The following CMTM1 variants were observed in gnomAD, a reference collection of about 807,000 sequenced individuals.
CMTM1 encodes the protein CKLF-like MARVEL transmembrane domain-containing protein 1.
Under a neutral mutation model 17.8 loss-of-function variants are expected in CMTM1, and 16 were observed. That is an observed-to-expected ratio of 0.90 (90% CI 0.61 to 1.37). The LOEUF (loss-of-function observed/expected upper bound fraction) is 1.37, where lower values mean the gene tolerates loss of function less well. CMTM1 is among the 40% of genes most tolerant of loss of function. The pLI is 0.00. For missense variants in CMTM1, 354 were observed against 375.6 expected (o/e 0.94, Z 0.47); for synonymous variants, 169 against 154.6 (o/e 1.09, Z -0.69).
chr16:66,573,572 AAATGAAACC>A (rs1437427590), intron 2 of CMTM1, among the ~76,000 whole-genome samples: 1 of 152,246 alleles, frequency 6.6e-6, no homozygotes, highest in Non-Finnish European at 1.5e-5. Flanking sequence ...CTAAAACAAA[AAATGAAACC>A]AATGAAAGTT....
In CMTM1 at chr16:66,570,026, GT is replaced by G. The variant is rs773521289; in HGVS notation, c.531del (p.Phe177LeufsTer3). The G allele has an allele frequency of 9.9e-6, 16 of 1,610,788 alleles. No individual in the cohort carries two copies. The East Asian group carries it at 1.6e-4, about 16-fold the overall frequency. On this transcript the variant is annotated frameshift_variant, in exon 2 of 4. Coordinates refer to ENST00000379500, the MANE Select transcript of CMTM1 (RefSeq NM_052999.4). LOFTEE classifies it high-confidence loss of function. ...TITSLEICIV[V>X]FFILIYVLTL... The stretch of plus-strand genomic sequence containing the variant: ...CACAAGTCTGGAAATCTGCATTGTC[GT>G]TTTTTTTATTCTAATATATGTGCTA...
chr16:66,573,681 TTC>T (rs1486370927), intron 2 of CMTM1, among the ~76,000 whole-genome samples: 7 of 150,320 alleles, frequency 4.7e-5, no homozygotes, highest in Non-Finnish European at 7.4e-5. Context: ...TTTAACGTTT[TTC>T]TTTTTTTTTT....
At chr16:66,577,080 A>G (rs752068852) in intron 2 of CMTM1, 24 bp from the exon 3 acceptor site, 2 of 1,593,884 alleles carry the variant, frequency 1.3e-6, no homozygotes, top group South Asian at 2.2e-5. Flanking sequence ...TGTAAACTTG[A>G]TAATTTTCAA....
chr16:66,573,683 C>CTTTTTTTT (rs954623005), intron 2 of CMTM1, among the ~76,000 whole-genome samples: 42 of 117,632 alleles, frequency 3.6e-4, no homozygotes, highest in Non-Finnish European at 4.5e-4. Flanking sequence ...TAACGTTTTT[C>CTTTTTTTT]TTTTTTTTTT....
intron 1 of CMTM1, 178 bp downstream of exon 1, chr16:66,567,123 C>T: frequency 3.0e-6 from 2 of 673,236 alleles, no homozygotes; most frequent in African/African-American, 1.8e-5. Context: ...ACCTTTCCTA[C>T]TAAACTTGCC....
At chr16:66,571,854 T>C (rs1462206718) in intron 2 of CMTM1, among the ~76,000 whole-genome samples, 1 of 152,188 alleles carries the variant, frequency 6.6e-6, no homozygotes, top group Non-Finnish European at 1.5e-5. Flanking sequence ...TCAGTGGTAA[T>C]GCCCAAGAAG....
At chr16:66,572,960 C>G (rs1483831037) in intron 2 of CMTM1, among the ~76,000 whole-genome samples, 1 of 152,194 alleles carries the variant, frequency 6.6e-6, no homozygotes, top group Non-Finnish European at 1.5e-5. Flanking sequence ...GTGACCTGCT[C>G]AGATCTGTGG....
chr16:66,579,008 C>G lies in CMTM1; in HGVS notation c.*7C>G, dbSNP rs778519016. 3.1e-6 allele frequency: 5 copies of G among 1,611,698 alleles called. No individual in the cohort carries two copies. The highest frequency in any genetic ancestry group is 1.7e-4 in the Middle Eastern group (1 of 5,726). On this transcript the variant is annotated 3_prime_UTR_variant, in exon 4 of 4. Coordinates refer to ENST00000379500, the MANE Select transcript of CMTM1 (RefSeq NM_052999.4). This position sits in a 1 kb window ranked among gnomAD's most constrained non-coding sequence, Gnocchi z 6.5. Reference sequence around the variant, plus strand: ...CCCGCAGAGGCCCGCCTGAAGCCAGCCCGGCGCCCTAGCAGATGCACGTGT... The same window carrying G: ...CCCGCAGAGGCCCGCCTGAAGCCAGGCCGGCGCCCTAGCAGATGCACGTGT...
intron 2 of CMTM1, among the ~76,000 whole-genome samples, chr16:66,574,611 G>A (rs1474993944): frequency 1.3e-5 from 2 of 152,222 alleles, no homozygotes; most frequent in East Asian, 1.9e-4. Context: ...TCAGGAGAGC[G>A]CTTCTTTGTA....
At chr16:66,570,546 G>C (rs1034088703) in intron 2 of CMTM1, among the ~76,000 whole-genome samples, 2 of 152,176 alleles carry the variant, frequency 1.3e-5, no homozygotes, top group Non-Finnish European at 2.9e-5. Context: ...ACCTGTGTGT[G>C]TGTGTTAGGG....
intron 2 of CMTM1, among the ~76,000 whole-genome samples, chr16:66,576,047 C>T (rs1567378011): frequency 6.6e-6 from 1 of 152,382 alleles, no homozygotes; most frequent in South Asian, 2.1e-4. Flanking sequence ...CTGCCACGCA[C>T]TCATCCTCAC....
intron 2 of CMTM1, among the ~76,000 whole-genome samples, chr16:66,575,649 A>C (rs1266499927): frequency 6.6e-6 from 1 of 152,200 alleles, no homozygotes; most frequent in Admixed American, 6.5e-5. Flanking sequence ...CCAAGCCTCC[A>C]CCATGTCCTC....
chr16:66,572,682 G>A (rs1252697799), intron 2 of CMTM1, among the ~76,000 whole-genome samples: 2 of 152,154 alleles, frequency 1.3e-5, no homozygotes, highest in Non-Finnish European at 2.9e-5. Context: ...AGAGTGCCCA[G>A]CATGCAGCTA....
intron 2 of CMTM1, chr16:66,575,167 G>A (rs545464459): frequency 1.2e-4 from 114 of 985,200 alleles, no homozygotes; most frequent in Middle Eastern, 1.0e-3. Flanking sequence ...CTCCTCGGTC[G>A]CCAGCCCCAA....
chr16:66,579,030 G>T lies in CMTM1; in HGVS notation c.*29G>T. Reference sequence around the variant, plus strand: ...CAGCCCGGCGCCCTAGCAGATGCACGTGTCTGTCGAATCGCTGCCTCCGAG... The same window carrying T: ...CAGCCCGGCGCCCTAGCAGATGCACTTGTCTGTCGAATCGCTGCCTCCGAG... On this transcript the variant is annotated 3_prime_UTR_variant, in exon 4 of 4. Coordinates refer to ENST00000379500, the MANE Select transcript of CMTM1 (RefSeq NM_052999.4). This position sits in a 1 kb window ranked among gnomAD's most constrained non-coding sequence, Gnocchi z 6.5. 1.2e-6 allele frequency: 2 copies of T among 1,606,758 alleles called. No individual in the cohort carries two copies. Among genetic ancestry groups the T allele is most frequent in the Non-Finnish European group, 1.7e-6 (2 of 1,177,356 alleles).
Position 66,566,733 on chromosome 16 carries a change from G to A in CMTM1, c.220G>A (p.Gly74Ser), listed in dbSNP as rs780028729. ...AAAARPQGSE[G>S]TAPSRKATTR... ...CGCCGCACGTCCCCAAGGCAGTGAG[G>A]GCACCGCACCCTCAAGGAAAGCCAC... The change falls in exon 1 of 4, where the codon GGC becomes AGC. Residue 74 changes from glycine to serine, a missense_variant. Transcript: ENST00000379500. The surrounding 1 kb of genome is among the most constrained non-coding windows in gnomAD (Gnocchi z 4.9). 2.5e-6 allele frequency: 4 copies of A among 1,613,916 alleles called. No homozygotes were observed. Among genetic ancestry groups the A allele is most frequent in the Non-Finnish European group, 3.4e-6 (4 of 1,179,966 alleles).
intron 3 of CMTM1, 27 bp from the exon 4 acceptor site, chr16:66,578,804 T>C: frequency 6.2e-7 from 1 of 1,608,222 alleles, no homozygotes; most frequent in Non-Finnish European, 8.5e-7. Context: ...CGTCTTTCCT[T>C]CCCGCATATG....
intron 3 of CMTM1, among the ~76,000 whole-genome samples, chr16:66,578,339 A>C (rs2014515046): frequency 6.6e-6 from 1 of 152,142 alleles, no homozygotes; most frequent in Non-Finnish European, 1.5e-5. Flanking sequence ...CTCCTGATAG[A>C]GTCCCAGATC....
Position 66,577,199 on chromosome 16 carries a change from G to T in CMTM1, c.687G>T (p.Gly229=), listed in dbSNP as rs528073342. 10 of 1,613,386 alleles carry T rather than the reference G, an allele frequency of 6.2e-6. No homozygotes were observed. Among genetic ancestry groups the T allele is most frequent in the Non-Finnish European group, 8.5e-6 (10 of 1,179,584 alleles). Residue 229 remains glycine, a synonymous_variant, in exon 3 of 4, where the codon GGG becomes GGT. Transcript: ENST00000379500. The stretch of plus-strand genomic sequence containing the variant: ...AAAGAAGGCATTTACTCTATGTCGG[G>T]GGGGTAAGTAGAGGCCTTCATGACT... ...EKKRRHLLYV[G]GSLCLTAVIV... is the part of the protein sequence containing the mutation.
Sources: allele counts gnomAD v4.1 joint callset (sites outside exome capture counted in the v4.1 genomes callset), GRCh38; gene constraint gnomAD v4.1.1; non-coding constraint Gnocchi (gnomAD v3.1); transcripts MANE v1.5; gene names NCBI Gene and HGNC (gene_info 2026-07-23, HGNC 2026-07-21).